SCHIP1: variants seen among roughly 807,000 people sequenced by gnomAD.
SCHIP1 encodes the protein schwannomin interacting protein 1.
SCHIP1 carries 8 observed loss-of-function variants against 29.7 expected under a neutral mutation model. The ratio of observed to expected loss-of-function variants is 0.27; its 90% CI spans 0.16 to 0.49. SCHIP1 has a LOEUF of 0.49. Ranked by LOEUF, SCHIP1 falls within the 20% of genes least tolerant of loss-of-function variation. The pLI, the probability that SCHIP1 is intolerant of heterozygous loss-of-function variation, is 0.99. For missense variants in SCHIP1, 193 were observed against 294.6 expected (o/e 0.66, Z 2.52); for synonymous variants, 76 against 94.9 (o/e 0.80, Z 1.16).
At chr3:159,275,638 A>C in the SCHIP1 span, among the ~76,000 whole-genome samples, 1 of 152,184 alleles carries the variant, frequency 6.6e-6, no homozygotes, top group East Asian at 1.9e-4. Context: ...TATCCAGCAC[A>C]CACATTTTTC....
the SCHIP1 span, among the ~76,000 whole-genome samples, chr3:159,680,237 G>A: frequency 6.6e-6 from 1 of 151,834 alleles, no homozygotes; most frequent in Non-Finnish European, 1.5e-5. Context: ...AGGGCCAGGC[G>A]CGGTGGCTAA....
At chr3:159,862,731 A>G (rs1414937959) in intron 1 of SCHIP1, among the ~76,000 whole-genome samples, 2 of 152,260 alleles carry the variant, frequency 1.3e-5, no homozygotes, top group Non-Finnish European at 2.9e-5. Flanking sequence ...AAGTACAGTC[A>G]CTAAAAACAT....
At chr3:159,811,974 GTT>G in the SCHIP1 span, among the ~76,000 whole-genome samples, 1 of 138,616 alleles carries the variant, frequency 7.2e-6, no homozygotes, top group African/African-American at 2.7e-5. Flanking sequence ...TTTTGTTTTT[GTT>G]TTTGTTTTTT....
At chr3:159,287,737 A>G in the SCHIP1 span, among the ~76,000 whole-genome samples, 2 of 152,194 alleles carry the variant, frequency 1.3e-5, no homozygotes, top group South Asian at 2.1e-4. Context: ...AATCTGGGTC[A>G]CAGAGATGCT....
the SCHIP1 span, among the ~76,000 whole-genome samples, chr3:159,665,546 T>TTG: frequency 0.02 from 2,948 of 147,534 alleles, 36 homozygotes; most frequent in African/African-American, 0.025. Flanking sequence ...GTTTTTGGGG[T>TTG]TGTGTGTGTG....
the SCHIP1 span, among the ~76,000 whole-genome samples, chr3:159,402,019 G>A: frequency 6.6e-6 from 1 of 151,972 alleles, no homozygotes; most frequent in Non-Finnish European, 1.5e-5. Flanking sequence ...GAAAATTTTT[G>A]CAACCTACTC....
At chr3:159,281,349 G>T in the SCHIP1 span, among the ~76,000 whole-genome samples, 1 of 152,078 alleles carries the variant, frequency 6.6e-6, no homozygotes, top group Non-Finnish European at 1.5e-5. Flanking sequence ...ATTCTAAGTG[G>T]TTTACTTTAT....
At chr3:159,273,918 T>C in the SCHIP1 span, 1 of 1,610,138 alleles carries the variant, frequency 6.2e-7, no homozygotes, top group Non-Finnish European at 8.5e-7. Context: ...CTATTTTAGG[T>C]GTATCATATT....
At chr3:159,447,560 T>C in the SCHIP1 span, among the ~76,000 whole-genome samples, 5 of 152,200 alleles carry the variant, frequency 3.3e-5, no homozygotes, top group African/African-American at 9.7e-5. Flanking sequence ...TGGGCTCCCA[T>C]TGCCGTGCCA....
At chr3:159,496,665 C>A in the SCHIP1 span, among the ~76,000 whole-genome samples, 3,833 of 152,152 alleles carry the variant, frequency 0.025, 170 homozygotes, top group African/African-American at 0.088. Flanking sequence ...TGGGACTGTA[C>A]ACTAATTCAA....
chr3:159,572,118 G>C, the SCHIP1 span, among the ~76,000 whole-genome samples: 1 of 151,888 alleles, frequency 6.6e-6, no homozygotes. Flanking sequence ...TTATGTCTCT[G>C]TCTCTTTCAG....
the SCHIP1 span, among the ~76,000 whole-genome samples, chr3:159,823,317 G>C: frequency 6.6e-6 from 1 of 152,202 alleles, no homozygotes. Context: ...TGAAGAGGAT[G>C]AGGGTCATGA....
At chr3:159,531,516 T>C in the SCHIP1 span, among the ~76,000 whole-genome samples, 1 of 152,212 alleles carries the variant, frequency 6.6e-6, no homozygotes, top group Non-Finnish European at 1.5e-5. Flanking sequence ...ATAGCTTACA[T>C]ACAAAAGACC....
the SCHIP1 span, among the ~76,000 whole-genome samples, chr3:159,806,286 C>T: frequency 3.3e-5 from 5 of 152,170 alleles, no homozygotes; most frequent in Non-Finnish European, 4.4e-5. Context: ...AGCAGATCAA[C>T]ATTGCTACTG....
chr3:159,286,557 AG>A, the SCHIP1 span, among the ~76,000 whole-genome samples: 1 of 152,216 alleles, frequency 6.6e-6, no homozygotes, highest in African/African-American at 2.4e-5. Flanking sequence ...TCTTTATGGC[AG>A]AATGATTTAT....
the SCHIP1 span, among the ~76,000 whole-genome samples, chr3:159,596,280 A>AT: frequency 6.6e-6 from 1 of 152,252 alleles, no homozygotes; most frequent in South Asian, 2.1e-4. Context: ...AATGGTGATC[A>AT]TTAAAAAGTC....
the SCHIP1 span, among the ~76,000 whole-genome samples, chr3:159,588,247 G>T: frequency 1.7e-4 from 26 of 152,242 alleles, no homozygotes; most frequent in Non-Finnish European, 3.5e-4. Context: ...TCATGTGTCT[G>T]TTGGCTGCAT....
the SCHIP1 span, among the ~76,000 whole-genome samples, chr3:159,552,090 G>C: frequency 7.0e-6 from 1 of 142,526 alleles, no homozygotes; most frequent in Non-Finnish European, 1.5e-5. Flanking sequence ...CCAGGCTGGA[G>C]TGCACTGGCA....
At chr3:159,633,091 C>T in the SCHIP1 span, among the ~76,000 whole-genome samples, 2 of 152,168 alleles carry the variant, frequency 1.3e-5, no homozygotes, top group African/African-American at 4.8e-5. Context: ...AATTCCACAC[C>T]TTGGAATTTC....
Sources: gnomAD v4.1 joint callset for allele counts (sites outside exome capture counted in the v4.1 genomes callset) on GRCh38, gnomAD v4.1.1 for gene constraint, MANE v1.5 for transcripts, NCBI Gene and HGNC (gene_info 2026-07-23, HGNC 2026-07-21) for gene names.